Variants in AZIN2 observed in about 807,000 individuals in gnomAD.
The protein encoded by AZIN2 is ODC antizyme inhibitor-2.
In AZIN2, 28 loss-of-function variants were observed where a neutral mutation model predicts 47.8. The ratio of observed to expected loss-of-function variants is 0.59; its 90% CI spans 0.43 to 0.80. The LOEUF (loss-of-function observed/expected upper bound fraction) is 0.80, where lower values mean the gene tolerates loss of function less well. Among genes scored for constraint, AZIN2 ranks in the 30% least tolerant of loss-of-function variants. The pLI is 0.00. For synonymous variants in AZIN2, 221 were observed against 239.4 expected, an observed-to-expected ratio of 0.92 and a Z score of 0.71; for missense variants, 535 against 582.5, an observed-to-expected ratio of 0.92 and a Z score of 0.84.
At chr1:33,156,321 C>T in the AZIN2 span, among the ~76,000 whole-genome samples, 1 of 152,232 alleles carries the variant, frequency 6.6e-6, no homozygotes, top group African/African-American at 2.4e-5. Context: ...TGGACCAGCT[C>T]CAACCAGGCT....
the AZIN2 span, among the ~76,000 whole-genome samples, chr1:33,161,137 G>T: frequency 6.1e-4 from 93 of 152,322 alleles, no homozygotes; most frequent in African/African-American, 2.1e-3. This position sits in a 1 kb window ranked among gnomAD's most constrained non-coding sequence, Gnocchi z 4.3. Context: ...AAATGAGGGG[G>T]TGTTGTTGTG....
chr1:33,149,465 A>AAG, the AZIN2 span, among the ~76,000 whole-genome samples: 2 of 151,322 alleles, frequency 1.3e-5, no homozygotes, highest in East Asian at 3.9e-4. Context: ...TTTTAAAAAA[A>AAG]AAAAATACAG....
At chr1:33,125,684 T>C (rs759468528), downstream of AZIN2, among the ~76,000 whole-genome samples, 1 of 152,236 alleles carries the variant, frequency 6.6e-6, no homozygotes, top group South Asian at 2.1e-4. Flanking sequence ...AAAATTATCA[T>C]TGAAAATCCC....
At chr1:33,127,888 C>T (rs181545461), downstream of AZIN2, among the ~76,000 whole-genome samples, 1 of 152,268 alleles carries the variant, frequency 6.6e-6, no homozygotes, top group Admixed American at 6.5e-5. Flanking sequence ...TTAATCGACA[C>T]AGGCCTGTGC....
intron 5 of AZIN2, among the ~76,000 whole-genome samples, chr1:33,088,179 A>G (rs1334397547): frequency 1.3e-5 from 2 of 152,098 alleles, no homozygotes; most frequent in Admixed American, 1.3e-4. Flanking sequence ...AGACCTATAT[A>G]TCCAGTTGAC....
At chr1:33,146,905 G>C in the AZIN2 span, 1 of 487,678 alleles carries the variant, frequency 2.1e-6, no homozygotes, top group Non-Finnish European at 3.7e-6. Context: ...GATGAGGGTT[G>C]GGCAGGGGTT....
the AZIN2 span, among the ~76,000 whole-genome samples, chr1:33,149,054 C>G: frequency 2.6e-5 from 4 of 152,212 alleles, no homozygotes; most frequent in Non-Finnish European, 2.9e-5. Flanking sequence ...GCAACCACCC[C>G]CAGAGGCTCA....
At chr1:33,103,900 T>G (rs1244355917) in intron 10 of AZIN2, among the ~76,000 whole-genome samples, 1 of 151,746 alleles carries the variant, frequency 6.6e-6, no homozygotes, top group East Asian at 1.9e-4. Flanking sequence ...TTTTTTTTTT[T>G]GAGATGGAGT....
At chr1:33,149,243 C>T in the AZIN2 span, among the ~76,000 whole-genome samples, 2 of 152,354 alleles carry the variant, frequency 1.3e-5, no homozygotes, top group African/African-American at 2.4e-5. Context: ...ACCTCCACCT[C>T]CCAGGTTCAA....
chr1:33,156,115 C>T, the AZIN2 span, among the ~76,000 whole-genome samples: 1 of 152,198 alleles, frequency 6.6e-6, no homozygotes, highest in African/African-American at 2.4e-5. Flanking sequence ...TGCAGCAGAT[C>T]GCAGTCAAGG....
the AZIN2 span, chr1:33,158,400 A>G: frequency 1.3e-6 from 2 of 1,595,506 alleles, no homozygotes; most frequent in Non-Finnish European, 1.7e-6. Context: ...GGGCTGCACC[A>G]GGGACTGGAT....
chr1:33,104,163 A>C (rs1307056073), intron 10 of AZIN2, among the ~76,000 whole-genome samples: 1 of 152,198 alleles, frequency 6.6e-6, no homozygotes, highest in East Asian at 1.9e-4. Context: ...GATTACAGGC[A>C]TGAGCCACTG....
At chr1:33,086,564 C>T (rs897639580) in intron 5 of AZIN2, among the ~76,000 whole-genome samples, 1 of 152,218 alleles carries the variant, frequency 6.6e-6, no homozygotes, top group Non-Finnish European at 1.5e-5. Flanking sequence ...AGTGGGTGGC[C>T]ATGCTTAACA....
At chr1:33,160,043 A>G in the AZIN2 span, 24 of 1,470,536 alleles carry the variant, frequency 1.6e-5, 1 homozygote, top group Admixed American at 4.8e-4. Flanking sequence ...CAGAGAGGAA[A>G]GGGTGGGAAA....
the AZIN2 span, among the ~76,000 whole-genome samples, chr1:33,139,942 TC>T: frequency 6.6e-6 from 1 of 152,184 alleles, no homozygotes; most frequent in African/African-American, 2.4e-5. Flanking sequence ...CAGCTACTCT[TC>T]CGGGAGTGGT....
At chr1:33,154,712 C>T in the AZIN2 span, among the ~76,000 whole-genome samples, 16 of 151,052 alleles carry the variant, frequency 1.1e-4, no homozygotes, top group Admixed American at 7.9e-4. Context: ...GCAGGAAAAT[C>T]GCCTGAACCC....
At chr1:33,094,135 T>A (rs1358016339) in intron 7 of AZIN2, among the ~76,000 whole-genome samples, 1 of 152,234 alleles carries the variant, frequency 6.6e-6, no homozygotes, top group African/African-American at 2.4e-5. Flanking sequence ...TACTTAGGTG[T>A]GCCAGGTGCT....
chr1:33,131,056 C>T, the AZIN2 span, among the ~76,000 whole-genome samples: 1 of 152,172 alleles, frequency 6.6e-6, no homozygotes, highest in Non-Finnish European at 1.5e-5. Context: ...CTTGAGATTT[C>T]TGGCAACAAC....
chr1:33,088,957 A>G (rs559042765), intron 5 of AZIN2, among the ~76,000 whole-genome samples: 1 of 152,304 alleles, frequency 6.6e-6, no homozygotes, highest in African/African-American at 2.4e-5. Flanking sequence ...TGAAAGCTCC[A>G]TGGTCTCAGA....
Sources: allele counts gnomAD v4.1 joint callset (sites outside exome capture counted in the v4.1 genomes callset), GRCh38; gene constraint gnomAD v4.1.1; non-coding constraint Gnocchi (gnomAD v3.1); transcripts MANE v1.5; gene names NCBI Gene and HGNC (gene_info 2026-07-23, HGNC 2026-07-21).